The following LRBA variants were observed in gnomAD, a reference collection of about 807,000 sequenced individuals.
LRBA encodes lipopolysaccharide-responsive and beige-like anchor protein.
Under a neutral mutation model 330.0 loss-of-function variants are expected in LRBA, and 176 were observed. That is an observed-to-expected ratio of 0.53 (90% CI 0.47 to 0.60). The LOEUF is 0.60. LRBA is among the 20% of genes least tolerant of loss of function. The pLI, the probability that LRBA is intolerant of heterozygous loss-of-function variation, is 0.00. For synonymous variants in LRBA, 1,230 were observed against 1,193.0 expected (o/e 1.03, Z -0.64); for missense variants, 3,259 against 3,444.8 (o/e 0.95, Z 1.35).
chr4:150,623,506 G>T (rs1776520755), intron 37 of LRBA, among the ~76,000 whole-genome samples: 1 of 151,418 alleles, frequency 6.6e-6, no homozygotes, highest in Non-Finnish European at 1.5e-5. Context: ...TAAGAAAAAA[G>T]TTAGTAGCTA....
At chr4:150,472,484 T>C (rs973639007) in intron 42 of LRBA, among the ~76,000 whole-genome samples, 4 of 152,190 alleles carry the variant, frequency 2.6e-5, no homozygotes, top group African/African-American at 9.6e-5. Context: ...ATTCAATTTG[T>C]ACAATTCAGT....
In LRBA at chr4:150,828,409, C is replaced by A. The variant is rs186688950; in HGVS notation, c.4942G>T (p.Val1648Phe). ...TTTTTGGTTTCCGGAGACTTATTGA[C>A]TTCTAAAGAAAGAGTAGATAGCACC... ...SEVLSTLSLE[V>F]NKSPETKNDR... Residue 1648 changes from valine (V) to phenylalanine (F), a missense_variant, in exon 30 of 57, where the codon GTC (valine) becomes TTC (phenylalanine). Val to Phe is a conservative substitution (Grantham distance 50). Coordinates refer to ENST00000651943, the MANE Select transcript of LRBA (RefSeq NM_001364905.1). The A allele has an allele frequency of 6.2e-7, 1 of 1,614,120 alleles. No individual in the cohort carries two copies. Among genetic ancestry groups the A allele is most frequent in the Non-Finnish European group, 8.5e-7 (1 of 1,180,000 alleles).
At chr4:150,293,582 A>G (rs1325556554) in intron 53 of LRBA, among the ~76,000 whole-genome samples, 1 of 152,256 alleles carries the variant, frequency 6.6e-6, no homozygotes, top group Non-Finnish European at 1.5e-5. Flanking sequence ...AAATAATATT[A>G]GAAGTATTAA....
At chr4:150,770,401 T>C (rs189892423) in intron 34 of LRBA, among the ~76,000 whole-genome samples, 29 of 152,272 alleles carry the variant, frequency 1.9e-4, no homozygotes, top group African/African-American at 6.7e-4. Context: ...TTAGCTGATA[T>C]GTATACTTTC....
chr4:150,997,119 A>C (rs1345947886), intron 2 of LRBA, among the ~76,000 whole-genome samples: 1 of 152,184 alleles, frequency 6.6e-6, no homozygotes, highest in Non-Finnish European at 1.5e-5. Context: ...GCACCACTTA[A>C]ATAACTTGAC....
chr4:150,971,072 C>A (rs1739531436), intron 2 of LRBA, among the ~76,000 whole-genome samples: 1 of 152,100 alleles, frequency 6.6e-6, no homozygotes, highest in African/African-American at 2.4e-5. Flanking sequence ...AAGAAAAATT[C>A]AAAACAAAAC....
intron 44 of LRBA, among the ~76,000 whole-genome samples, chr4:150,443,878 T>A (rs71618346): frequency 0.35 from 16,578 of 47,308 alleles, 1,528 homozygotes; most frequent in South Asian, 0.44. Flanking sequence ...ATATATTTTT[T>A]TTTTTTTTTT....
At chr4:150,503,400 T>A (rs1760572418) in intron 40 of LRBA, among the ~76,000 whole-genome samples, 1 of 152,126 alleles carries the variant, frequency 6.6e-6, no homozygotes, top group South Asian at 2.1e-4. Context: ...TTCACCAATA[T>A]CCGCTGTTCT....
intron 52 of LRBA, among the ~76,000 whole-genome samples, chr4:150,308,716 A>C (rs1245569780): frequency 6.6e-6 from 1 of 152,164 alleles, no homozygotes. Context: ...CCTAACTTAT[A>C]TGTTTTTGTC....
At chr4:150,405,547 A>G (rs1223007063) in intron 47 of LRBA, among the ~76,000 whole-genome samples, 1 of 152,176 alleles carries the variant, frequency 6.6e-6, no homozygotes, top group Non-Finnish European at 1.5e-5. Context: ...AGTGAATACA[A>G]TTAATAGATA....
chr4:150,530,801 A>G (rs928820217), intron 40 of LRBA, among the ~76,000 whole-genome samples: 17 of 152,194 alleles, frequency 1.1e-4, no homozygotes, highest in African/African-American at 4.1e-4. Flanking sequence ...CAAAAAAGGA[A>G]AAGAAAGACC....
intron 44 of LRBA, among the ~76,000 whole-genome samples, chr4:150,458,628 C>T (rs1248253764): frequency 6.6e-6 from 1 of 151,884 alleles, no homozygotes; most frequent in African/African-American, 2.4e-5. Flanking sequence ...TTCTCCACAT[C>T]ATGTTGATAT....
intron 40 of LRBA, among the ~76,000 whole-genome samples, chr4:150,505,539 A>G (rs1311300591): frequency 6.6e-6 from 1 of 152,250 alleles, no homozygotes; most frequent in Non-Finnish European, 1.5e-5. Context: ...CAATGAGAAC[A>G]AAGACACGAC....
chr4:150,990,203 T>G (rs2149625096), intron 2 of LRBA, among the ~76,000 whole-genome samples: 1 of 152,276 alleles, frequency 6.6e-6, no homozygotes, highest in Non-Finnish European at 1.5e-5. Flanking sequence ...TGTGTATATA[T>G]TTACATATAT....
intron 30 of LRBA, among the ~76,000 whole-genome samples, chr4:150,825,588 T>TG (rs1746136918): frequency 2.0e-5 from 3 of 152,044 alleles, no homozygotes; most frequent in Admixed American, 2.0e-4. Flanking sequence ...GGGCTGGTCT[T>TG]GAACTGCTGA....
At chr4:150,783,922 C>G (rs1315697574) in intron 34 of LRBA, among the ~76,000 whole-genome samples, 1 of 152,150 alleles carries the variant, frequency 6.6e-6, no homozygotes, top group African/African-American at 2.4e-5. Flanking sequence ...ACAACTACAG[C>G]TTCTCCTGGA....
At chr4:150,970,472 C>G (rs1739406592) in intron 2 of LRBA, among the ~76,000 whole-genome samples, 1 of 150,390 alleles carries the variant, frequency 6.6e-6, no homozygotes, top group Admixed American at 6.7e-5. Context: ...TGCACTTCAG[C>G]CTGGGCAGCA....
chr4:150,584,244 T>G (rs1479475895), intron 40 of LRBA: 1 of 997,066 alleles, frequency 1.0e-6, no homozygotes, highest in African/African-American at 1.6e-5. Flanking sequence ...CAGAAGACCT[T>G]CATTAATTAA....
intron 40 of LRBA, among the ~76,000 whole-genome samples, chr4:150,506,208 T>A (rs940997491): frequency 6.6e-6 from 1 of 152,158 alleles, no homozygotes; most frequent in Non-Finnish European, 1.5e-5. Flanking sequence ...AAAGAGGGAA[T>A]CCTCCCTAAC....
Sources: allele counts gnomAD v4.1 joint callset (sites outside exome capture counted in the v4.1 genomes callset), GRCh38; gene constraint gnomAD v4.1.1; transcripts MANE v1.5; gene names NCBI Gene and HGNC (gene_info 2026-07-23, HGNC 2026-07-21).